Variants in C10orf105 observed in about 807,000 individuals in gnomAD.
C10orf105 encodes the protein uncharacterized protein C10orf105.
A neutral mutation model predicts 0.6 loss-of-function variants in C10orf105; 2 were observed. The observed-to-expected ratio is 3.18, with a 90% CI of 1.30 to 10.01. The LOEUF (loss-of-function observed/expected upper bound fraction) is 10.01, where lower values mean the gene tolerates loss of function less well. Among genes scored for constraint, C10orf105 ranks in the 30% most tolerant of loss-of-function variants. C10orf105 has a pLI of 0.04. For synonymous variants in C10orf105, 95 were observed against 82.4 expected (o/e 1.15, Z -0.83); for missense variants, 209 against 191.4 (o/e 1.09, Z -0.54).
chr10:71,737,428 T>C (rs1311758913), intron 1 of C10orf105, among the ~76,000 whole-genome samples: 1 of 152,212 alleles, frequency 6.6e-6, no homozygotes, highest in Non-Finnish European at 1.5e-5. Flanking sequence ...CCAGGCTCAC[T>C]CTCCTATACT....
chr10:71,719,334 C>G (rs540764502), intron 1 of C10orf105, among the ~76,000 whole-genome samples: 52 of 152,200 alleles, frequency 3.4e-4, no homozygotes, highest in Non-Finnish European at 6.3e-4. Flanking sequence ...TCCCTTCCCA[C>G]TGGGGCCAGG....
chr10:71,736,187 C>T (rs575607327), intron 1 of C10orf105, among the ~76,000 whole-genome samples: 2 of 152,356 alleles, frequency 1.3e-5, no homozygotes, highest in South Asian at 4.1e-4. Flanking sequence ...CAGTGCTTTG[C>T]CCTCTTCCGG....
At chr10:71,737,589 C>T (rs1415516617) in intron 1 of C10orf105, 2 of 433,140 alleles carry the variant, frequency 4.6e-6, no homozygotes, top group African/African-American at 2.0e-5. Flanking sequence ...GACCTGGGAG[C>T]CCCTGAACCC....
Position 71,713,692 on chromosome 10 carries a change from T to G in C10orf105, c.*2244A>C, listed in dbSNP as rs542762991. 1 of 213,210 alleles carries G rather than the reference T, an allele frequency of 4.7e-6. No individual in the cohort carries two copies. The highest frequency in any genetic ancestry group is 1.3e-4 in the East Asian group (1 of 7,498). 13.2% of individuals were successfully genotyped at this position (213,210 alleles called of 1,614,324 possible). On this transcript the variant is annotated 3_prime_UTR_variant, in exon 2 of 2. Coordinates refer to ENST00000441508, the MANE Select transcript of C10orf105 (RefSeq NM_001164375.3). ...GATCAGGGCCTCAGCTTGTGAGGAC[T>G]TGGAGCATACCCCCCTGGCCTGGTG...
chr10:71,731,994 T>A, intron 1 of C10orf105: 1 of 1,613,446 alleles, frequency 6.2e-7, no homozygotes, highest in Non-Finnish European at 8.5e-7. Flanking sequence ...CAGGGGATGG[T>A]GGCCTGGTGA....
intron 1 of C10orf105, among the ~76,000 whole-genome samples, chr10:71,724,801 C>T (rs907614356): frequency 6.6e-6 from 1 of 152,188 alleles, no homozygotes; most frequent in South Asian, 2.1e-4. Flanking sequence ...ATGTGCTGAT[C>T]CTCCCACTTC....
At chr10:71,728,540 G>C (rs1485053686) in intron 1 of C10orf105, among the ~76,000 whole-genome samples, 1 of 152,200 alleles carries the variant, frequency 6.6e-6, no homozygotes, top group Admixed American at 6.5e-5. Context: ...AGAAAGCAGG[G>C]CTGATCCCAG....
intron 1 of C10orf105, chr10:71,732,866 T>A: frequency 4.1e-6 from 1 of 244,658 alleles, no homozygotes; most frequent in Non-Finnish European, 7.0e-6. Flanking sequence ...GGGAATCCTA[T>A]AGTTTGATTT....
rs558717935 is a variant in C10orf105 at position 71,716,089 on chromosome 10, A to C, written c.249T>G (p.Ser83Arg). 2.2e-4 allele frequency: 337 copies of C among 1,531,484 alleles called. 1 individual carries two copies. The African/African-American group carries it at 3.8e-3, about 17-fold the overall frequency. The allele number at this position is 1,531,484 out of a possible 1,614,324, so 94.9% of individuals were successfully genotyped here. ...ECMPHHPGSP[S>R]EPQLRLWKRL... Reference sequence around the variant, plus strand: ...GCTTCCAGAGCCGGAGCTGGGGCTCACTGGGGCTCCCAGGGTGGTGGGGCA... The same window carrying C: ...GCTTCCAGAGCCGGAGCTGGGGCTCCCTGGGGCTCCCAGGGTGGTGGGGCA... The change falls in exon 2 of 2, where the codon AGT becomes AGG. Residue 83 changes from serine (S) to arginine (R), a missense_variant. By Grantham distance (110) the Ser-to-Arg change is moderately radical. Coordinates refer to ENST00000441508, the MANE Select transcript of C10orf105 (RefSeq NM_001164375.3).
At chr10:71,724,444 C>CT (rs1182912274), upstream of C10orf105, among the ~76,000 whole-genome samples, 1 of 152,224 alleles carries the variant, frequency 6.6e-6, no homozygotes, top group East Asian at 1.9e-4. Flanking sequence ...TCCCCAGTAG[C>CT]TGGGACTACA....
At position 71,730,517 on chromosome 10, in the gene C10orf105, C is replaced by T. The variant is rs397517326; in HGVS notation, c.-6+7211G>A. 2 of 1,613,988 alleles carry T rather than the reference C, an allele frequency of 1.2e-6. No homozygotes were observed. Among genetic ancestry groups the T allele is most frequent in the Admixed American group, 1.7e-5 (1 of 60,022 alleles). On this transcript the variant is annotated intron_variant, in intron 1 of 1. Transcript: ENST00000398786. The stretch of plus-strand genomic sequence containing the variant: ...CAACGATGAGGCCCCCGTGTTCACA[C>T]AGCAGCAGTACAGCCGTCTGGGGCT...
chr10:71,731,827 C>T (rs946965218), intron 1 of C10orf105, among the ~76,000 whole-genome samples: 1 of 152,200 alleles, frequency 6.6e-6, no homozygotes, highest in Non-Finnish European at 1.5e-5. Flanking sequence ...GACCTTAACA[C>T]ATCCTCTGCT....
In C10orf105 at chr10:71,712,729, G is replaced by A. The variant is rs762681991; in HGVS notation, c.*3207C>T. 3.7e-6 allele frequency: 6 copies of A among 1,613,706 alleles called. No homozygotes were observed. The highest frequency in any genetic ancestry group is 3.4e-6 in the Non-Finnish European group (4 of 1,179,852). ...CCGTGTTCGTCACTGTCCTGGATGTGAATGACAACCGGCCCATCTTTCTGC... is the reference window on the plus strand; with the variant it reads ...CCGTGTTCGTCACTGTCCTGGATGTAAATGACAACCGGCCCATCTTTCTGC... On this transcript the variant is annotated 3_prime_UTR_variant, in exon 2 of 2. Transcript: ENST00000441508.
At chr10:71,720,731 G>A (rs1463580488), upstream of C10orf105, among the ~76,000 whole-genome samples, 1 of 152,202 alleles carries the variant, frequency 6.6e-6, no homozygotes, top group Non-Finnish European at 1.5e-5. Context: ...ATTTCCTATG[G>A]ACTGTTAAAG....
rs1589365856 is a variant in C10orf105 at position 71,716,187 on chromosome 10, T to C, written c.151A>G (p.Thr51Ala). 6.4e-7 allele frequency: 1 copy of C among 1,550,532 alleles called. No individual in the cohort carries two copies. Among genetic ancestry groups the C allele is most frequent in the South Asian group, 1.2e-5 (1 of 83,996 alleles). ...CAGAGCGTCATGAACAGCAGACAGG[T>C]GGCCAGCAGGAGGAAGATGCAGGCC... The part of the protein sequence containing the change: ...ALACIFLLLA[T>A]CLLFMTLCKP... Residue 51 changes from threonine to alanine, a missense_variant, in exon 2 of 2, where the codon ACC becomes GCC. Physicochemically the swap from Thr to Ala is moderately conservative, Grantham distance 58. Coordinates refer to ENST00000441508, the MANE Select transcript of C10orf105 (RefSeq NM_001164375.3).
chr10:71,737,276 T>C (rs1167515039), intron 1 of C10orf105, among the ~76,000 whole-genome samples: 2 of 152,206 alleles, frequency 1.3e-5, no homozygotes, highest in Admixed American at 6.5e-5. Flanking sequence ...GTGCCACCCC[T>C]TCACTTTCTG....
At chr10:71,736,140 C>T (rs968503931) in intron 1 of C10orf105, among the ~76,000 whole-genome samples, 4 of 152,220 alleles carry the variant, frequency 2.6e-5, no homozygotes, top group Non-Finnish European at 5.9e-5. Context: ...TTGAGGGCTT[C>T]GGAGCACACA....
chr10:71,722,704 A>G (rs894095862), upstream of C10orf105, among the ~76,000 whole-genome samples: 1 of 152,224 alleles, frequency 6.6e-6, no homozygotes, highest in Non-Finnish European at 1.5e-5. Context: ...GGGTCTTAGG[A>G]GAAGATATTT....
Position 71,712,970 on chromosome 10 carries a change from C to G in C10orf105, c.*2966G>C. ...GAAGGTGCTGTGGGGAAAGGGGGAC[C>G]CAGGCCCTCTCCCATCCCAGGGAGT... On this transcript the variant is annotated 3_prime_UTR_variant, in exon 2 of 2. Transcript: ENST00000441508. 1.1e-6 allele frequency: 1 copy of G among 890,090 alleles called. No individual in the cohort carries two copies. 55.1% of individuals were successfully genotyped at this position (890,090 alleles called of 1,614,324 possible).
Sources: allele counts gnomAD v4.1 joint callset (sites outside exome capture counted in the v4.1 genomes callset), GRCh38; gene constraint gnomAD v4.1.1; transcripts MANE v1.5; gene names NCBI Gene and HGNC (gene_info 2026-07-23, HGNC 2026-07-21).